The following CFAP47 variants were observed in gnomAD, a reference collection of about 807,000 sequenced individuals.
CFAP47 encodes cilia and flagella associated protein 47.
In CFAP47, 29 loss-of-function variants were observed where a neutral mutation model predicts 148.1. The ratio of observed to expected loss-of-function variants is 0.20; its 90% CI spans 0.15 to 0.27. CFAP47 has a LOEUF of 0.27. Among genes scored for constraint, CFAP47 ranks in the 10% least tolerant of loss-of-function variants. The pLI, the probability that CFAP47 is intolerant of heterozygous loss-of-function variation, is 1.00. For missense variants in CFAP47, 1,872 were observed against 1,697.5 expected (o/e 1.10, Z -1.81); for synonymous variants, 664 against 577.3 (o/e 1.15, Z -2.15).
At chrX:36,262,154 A>G (rs1301088899) in intron 49 of CFAP47, among the ~76,000 whole-genome samples, 2 of 112,509 alleles carry the variant, frequency 1.8e-5, no homozygotes, top group Admixed American at 1.9e-4. Context: ...AAAGGCATGC[A>G]ATATGAAATA....
At chrX:36,231,778 A>G (rs2146904309) in intron 46 of CFAP47, among the ~76,000 whole-genome samples, 2 of 111,498 alleles carry the variant, frequency 1.8e-5, no homozygotes, top group South Asian at 7.6e-4. Flanking sequence ...TTATTTTGAG[A>G]TACATCCCAT....
At chrX:36,126,715 A>G (rs1938845712) in intron 33 of CFAP47, among the ~76,000 whole-genome samples, 2 of 112,029 alleles carry the variant, frequency 1.8e-5, no homozygotes, top group African/African-American at 6.5e-5. Flanking sequence ...TCCCACCAAC[A>G]GTGTGTAAGT....
chrX:36,365,148 A>G (rs1187742690), intron 61 of CFAP47, among the ~76,000 whole-genome samples: 1 of 108,516 alleles, frequency 9.2e-6, no homozygotes, highest in East Asian at 2.9e-4. Flanking sequence ...GGAATAGAGG[A>G]ATATAGTTTC....
At chrX:36,283,087 A>T (rs998485556) in intron 50 of CFAP47, among the ~76,000 whole-genome samples, 79 of 111,295 alleles carry the variant, frequency 7.1e-4, no homozygotes, top group Non-Finnish European at 1.3e-3. Context: ...ATGTCTATAT[A>T]TCCATATCTT....
chrX:36,230,610 C>T (rs1161009020), intron 46 of CFAP47, among the ~76,000 whole-genome samples: 5 of 108,924 alleles, frequency 4.6e-5, no homozygotes, highest in East Asian at 2.9e-4. Context: ...AGCTCTTGAG[C>T]TTAATTAGAT....
intron 42 of CFAP47, among the ~76,000 whole-genome samples, chrX:36,196,622 G>C (rs1939923821): frequency 9.0e-6 from 1 of 110,880 alleles, no homozygotes; most frequent in Non-Finnish European, 1.9e-5. Flanking sequence ...GTAATTAACA[G>C]CTGGTCTTCT....
At chrX:35,940,852 A>C (rs900869779) in intron 2 of CFAP47, among the ~76,000 whole-genome samples, 1 of 111,830 alleles carries the variant, frequency 8.9e-6, no homozygotes, top group Non-Finnish European at 1.9e-5. Flanking sequence ...AACTTGTAGG[A>C]ACACATGCTA....
rs115393583 is a variant in CFAP47, at chrX:36,323,741, T to G, written c.8443+4434T>G. 8.1e-3 allele frequency among the ~76,000 whole-genome samples: 876 copies of G among 107,628 alleles called. 6 individuals carry two copies. The highest frequency in any genetic ancestry group is 0.051 in the South Asian group (121 of 2,379). The allele number at this position is 107,628 out of a possible 115,157, so 93.5% of individuals were successfully genotyped here. A position where few individuals can be genotyped will look rare whatever the true frequency, so the allele number is the denominator to read the frequency against. On this transcript the variant is annotated intron_variant, in intron 57 of 63. Transcript: ENST00000378653. ...TGTAATTATTTCTCATATTACTTTC[T>G]TTCAGAAATTTTATAATTCCTTGTG...
chrX:35,924,295 G>C (rs760179003), intron 1 of CFAP47, among the ~76,000 whole-genome samples: 1 of 100,901 alleles, frequency 9.9e-6, no homozygotes, highest in African/African-American at 4.3e-5. Context: ...ACATGTATGT[G>C]TACACATATG....
At chrX:35,941,462 C>T (rs1480757769) in intron 3 of CFAP47, 64 bp downstream of exon 3, 1 of 575,892 alleles carries the variant, frequency 1.7e-6, no homozygotes, top group African/African-American at 2.4e-5. Flanking sequence ...GAAATGTATA[C>T]CTTGTGTAAT....
chrX:36,024,152 G>A (rs1374339789), intron 22 of CFAP47, among the ~76,000 whole-genome samples: 1 of 111,609 alleles, frequency 9.0e-6, no homozygotes, highest in African/African-American at 3.3e-5. Flanking sequence ...CTCTTAACAG[G>A]TGATGAATAC....
At chrX:36,371,583 ATG>A (rs1941936854) in intron 62 of CFAP47, among the ~76,000 whole-genome samples, 1 of 82,800 alleles carries the variant, frequency 1.2e-5, no homozygotes, top group African/African-American at 4.2e-5. Context: ...GTGTATATAT[ATG>A]TGTATACATG....
chrX:36,109,081 T>G (rs1303846625), intron 33 of CFAP47, among the ~76,000 whole-genome samples: 1 of 111,637 alleles, frequency 9.0e-6, no homozygotes, highest in East Asian at 2.8e-4. Flanking sequence ...TTGCTAAGGT[T>G]AATGGCCTCC....
At chrX:36,320,834 T>C (rs1556011890) in intron 57 of CFAP47, among the ~76,000 whole-genome samples, 2 of 109,224 alleles carry the variant, frequency 1.8e-5, no homozygotes, top group African/African-American at 6.6e-5. Flanking sequence ...AAATACAAAT[T>C]ACTACATAGT....
At chrX:36,275,090 T>C (rs782707016) in intron 49 of CFAP47, among the ~76,000 whole-genome samples, 3 of 111,507 alleles carry the variant, frequency 2.7e-5, no homozygotes, top group African/African-American at 9.8e-5. Flanking sequence ...CTTTTCTTTT[T>C]TTTCTTTCTT....
chrX:35,924,167 A>ACATGTATGCGTACATATATGTATATG (rs1935662059), intron 1 of CFAP47, among the ~76,000 whole-genome samples: 1 of 94,298 alleles, frequency 1.1e-5, no homozygotes, highest in African/African-American at 4.7e-5. Flanking sequence ...ATATGTATAT[A>ACATGTATGCGTACATATATGTATATG]TGTACATGTA....
chrX:36,038,081 C>G (rs1265849756), intron 24 of CFAP47, among the ~76,000 whole-genome samples: 2 of 111,551 alleles, frequency 1.8e-5, no homozygotes, highest in African/African-American at 6.5e-5. Flanking sequence ...TAAGTAATGG[C>G]CTTCAGTACA....
chrX:36,036,499 C>T (rs1012331685), intron 24 of CFAP47, among the ~76,000 whole-genome samples: 1 of 111,253 alleles, frequency 9.0e-6, no homozygotes, highest in Admixed American at 9.6e-5. Flanking sequence ...AATATTGCTG[C>T]AATAAACATA....
chrX:35,984,271 T>A (rs1936685406), intron 15 of CFAP47, among the ~76,000 whole-genome samples: 1 of 111,725 alleles, frequency 9.0e-6, no homozygotes, highest in Admixed American at 9.5e-5. Flanking sequence ...ATATAAGTTT[T>A]TTTTTGTATT....
Sources: allele counts gnomAD v4.1 joint callset (sites outside exome capture counted in the v4.1 genomes callset), GRCh38; gene constraint gnomAD v4.1.1; transcripts MANE v1.5; gene names NCBI Gene and HGNC (gene_info 2026-07-23, HGNC 2026-07-21).